ABI3BP: variants seen among roughly 807,000 people sequenced by gnomAD.
The protein encoded by ABI3BP is ABI family member 3 binding protein.
A neutral mutation model predicts 268.6 loss-of-function variants in ABI3BP; 216 were observed. The ratio of observed to expected loss-of-function variants is 0.80; its 90% CI spans 0.72 to 0.90. ABI3BP has a LOEUF of 0.90. ABI3BP is among the 40% of genes least tolerant of loss of function. The pLI is 0.00. For synonymous variants in ABI3BP, 730 were observed against 730.0 expected (o/e 1.00, Z 0.00); for missense variants, 2,090 against 2,182.4 (o/e 0.96, Z 0.84).
chr3:100,837,163 G>A lies in ABI3BP; in HGVS notation c.2092C>T (p.Pro698Ser), dbSNP rs376321749. 1.8e-5 allele frequency: 28 copies of A among 1,533,796 alleles called. 1 individual carries two copies. The highest frequency in any genetic ancestry group is 1.6e-4 in the African/African-American group (12 of 72,964). Residue 698 changes from proline to serine, a missense_variant, in exon 27 of 68, where the codon CCT (proline) becomes TCT (serine). Pro to Ser is a moderately conservative substitution (Grantham distance 74). Transcript: ENST00000471714. Reference sequence around the variant, plus strand: ...GGAGCTTCAGTTTCAAATGGAACAGGCTCAGAGACTGCATCATAAAAAATA... The same window carrying A: ...GGAGCTTCAGTTTCAAATGGAACAGACTCAGAGACTGCATCATAAAAAATA... ...DMPPTKSVSEPVPFETEAPSM... is the reference protein window; with the variant it reads ...DMPPTKSVSESVPFETEAPSM...
chr3:100,873,531 C>T (rs764946975), intron 9 of ABI3BP, among the ~76,000 whole-genome samples: 1 of 152,168 alleles, frequency 6.6e-6, no homozygotes, highest in African/African-American at 2.4e-5. Flanking sequence ...CCAGTGGATG[C>T]ATGCTCTTGA....
chr3:100,976,004 G>C (rs1377730629), intron 1 of ABI3BP, among the ~76,000 whole-genome samples: 2 of 152,202 alleles, frequency 1.3e-5, no homozygotes, highest in African/African-American at 4.8e-5. Context: ...TGCTTTCTTA[G>C]TAAGGCCTTA....
intron 18 of ABI3BP, among the ~76,000 whole-genome samples, chr3:100,847,918 T>G (rs1463953547): frequency 6.6e-6 from 1 of 152,184 alleles, no homozygotes; most frequent in Non-Finnish European, 1.5e-5. Flanking sequence ...GTATATTGTT[T>G]GACAATGAAG....
intron 4 of ABI3BP, among the ~76,000 whole-genome samples, chr3:100,887,886 A>G (rs527810057): frequency 1.3e-5 from 2 of 152,206 alleles, no homozygotes; most frequent in East Asian, 3.9e-4. Flanking sequence ...GGGCTCAATA[A>G]GAAATGAACA....
intron 56 of ABI3BP, among the ~76,000 whole-genome samples, chr3:100,788,453 C>T (rs1196061372): frequency 1.3e-5 from 2 of 152,094 alleles, no homozygotes; most frequent in African/African-American, 4.8e-5. Context: ...CCATACTGCT[C>T]ATCTTTTGAT....
intron 20 of ABI3BP, chr3:100,844,266 T>A: frequency 1.0e-6 from 1 of 985,412 alleles, no homozygotes; most frequent in Non-Finnish European, 1.2e-6. Flanking sequence ...ACACCTGTAA[T>A]TGGGGGCACC....
chr3:100,985,400 T>C (rs772029607), intron 1 of ABI3BP, among the ~76,000 whole-genome samples: 7 of 151,984 alleles, frequency 4.6e-5, no homozygotes, highest in African/African-American at 7.2e-5. Context: ...CCGCCCGCCT[T>C]GGCCTCCCAA....
chr3:100,806,568 A>G (rs1035497920), intron 50 of ABI3BP, among the ~76,000 whole-genome samples: 1 of 152,120 alleles, frequency 6.6e-6, no homozygotes, highest in African/African-American at 2.4e-5. Context: ...AAGAATAAGT[A>G]GAATGCATTT....
chr3:100,986,263 TGGAA>T (rs1272770794), intron 1 of ABI3BP, among the ~76,000 whole-genome samples: 1 of 152,220 alleles, frequency 6.6e-6, no homozygotes, highest in African/African-American at 2.4e-5. Context: ...CATGTGAGCT[TGGAA>T]GTAAATCCTT....
rs533397569 is a variant in ABI3BP, at chr3:100,873,792, C to A, written c.910+1049G>T. ...GGTCCCAGAATGAGCAGGTGCCATG[C>A]CTGGGTAACTCACCATCATAGCCCC... On this transcript the variant is annotated intron_variant, in intron 9 of 67. Coordinates refer to ENST00000471714, the MANE Select transcript of ABI3BP (RefSeq NM_001375547.2). 1.8e-4 allele frequency among the ~76,000 whole-genome samples: 28 copies of A among 152,262 alleles called. No homozygotes were observed. In the South Asian group the frequency reaches 5.6e-3, roughly 30 times the overall value.
At chr3:100,962,288 T>C (rs528893317) in intron 1 of ABI3BP, among the ~76,000 whole-genome samples, 4 of 152,316 alleles carry the variant, frequency 2.6e-5, no homozygotes, top group African/African-American at 9.6e-5. Flanking sequence ...TCTCCTTTCT[T>C]GTTCTGCATA....
intron 63 of ABI3BP, among the ~76,000 whole-genome samples, chr3:100,761,372 T>C (rs2095936577): frequency 6.6e-6 from 1 of 152,096 alleles, no homozygotes; most frequent in Non-Finnish European, 1.5e-5. Flanking sequence ...TGTGCACATA[T>C]GTAACCACAG....
intron 33 of ABI3BP, among the ~76,000 whole-genome samples, 188 bp downstream of exon 33, chr3:100,829,393 G>A (rs1579359573): frequency 6.6e-6 from 1 of 152,128 alleles, no homozygotes; most frequent in Non-Finnish European, 1.5e-5. Flanking sequence ...AATTGAATGA[G>A]AAGTAAATTA....
intron 1 of ABI3BP, among the ~76,000 whole-genome samples, chr3:100,936,586 G>A (rs142815653): frequency 0.012 from 1,821 of 152,154 alleles, 43 homozygotes; most frequent in African/African-American, 0.042. Flanking sequence ...GTAGAATTCG[G>A]CTGTGAATCT....
In ABI3BP at chr3:100,760,939, A is replaced by G. The variant is rs2095904176; in HGVS notation, c.4850+4902T>C. ...ATGTGCAGGTTTGTTATGTAGGTAA[A>G]CTCATGTCACAGGAGTTCGTTGTAC... On this transcript the variant is annotated intron_variant, in intron 63 of 67. Coordinates refer to ENST00000471714, the MANE Select transcript of ABI3BP (RefSeq NM_001375547.2). 2.6e-5 allele frequency among the ~76,000 whole-genome samples: 4 copies of G among 151,830 alleles called. No individual in the cohort carries two copies. In the South Asian group the frequency reaches 8.3e-4, roughly 32 times the overall value.
intron 57 of ABI3BP, among the ~76,000 whole-genome samples, chr3:100,787,295 T>A (rs550598266): frequency 6.6e-6 from 1 of 152,258 alleles, no homozygotes; most frequent in Admixed American, 6.5e-5. Flanking sequence ...TTGTTTAAAT[T>A]TCATATTCCA....
At chr3:100,870,432 TA>T (rs34483547) in intron 9 of ABI3BP, among the ~76,000 whole-genome samples, 20 of 147,208 alleles carry the variant, frequency 1.4e-4, no homozygotes, top group East Asian at 6.0e-4. Flanking sequence ...CTAACAGGTA[TA>T]AAAAAAAAAG....
chr3:100,943,209 C>G (rs2070343461), intron 1 of ABI3BP, among the ~76,000 whole-genome samples: 4 of 151,804 alleles, frequency 2.6e-5, no homozygotes, highest in Admixed American at 2.6e-4. Context: ...ATCCATAAGG[C>G]AGCAACCAAA....
chr3:100,834,842 C>T, intron 28 of ABI3BP, 69 bp from the exon 29 acceptor site: 2 of 1,394,018 alleles, frequency 1.4e-6, no homozygotes, highest in Non-Finnish European at 1.9e-6. Flanking sequence ...ACACATGGTT[C>T]TAGGTTTTCT....
Sources: allele counts gnomAD v4.1 joint callset (sites outside exome capture counted in the v4.1 genomes callset), GRCh38; gene constraint gnomAD v4.1.1; transcripts MANE v1.5; gene names NCBI Gene and HGNC (gene_info 2026-07-23, HGNC 2026-07-21).